The following GRID1 variants were observed in gnomAD, a reference collection of about 807,000 sequenced individuals.
GRID1 encodes glutamate ionotropic receptor delta type subunit 1.
A neutral mutation model predicts 98.0 loss-of-function variants in GRID1; 28 were observed. That is an observed-to-expected ratio of 0.29 (90% CI 0.21 to 0.39). The LOEUF (loss-of-function observed/expected upper bound fraction) is 0.39, where lower values mean the gene tolerates loss of function less well. GRID1 is among the 10% of genes least tolerant of loss of function. The pLI, the probability that GRID1 is intolerant of heterozygous loss-of-function variation, is 1.00. For missense variants in GRID1, 1,111 were observed against 1,340.5 expected (o/e 0.83, Z 2.67); for synonymous variants, 553 against 538.5 (o/e 1.03, Z -0.37).
Position 85,613,242 on chromosome 10 carries a change from A to C in GRID1, c.2601+165T>G, listed in dbSNP as rs1842752729. On this transcript the variant is annotated intron_variant, in intron 15 of 15. Coordinates refer to ENST00000327946, the MANE Select transcript of GRID1 (RefSeq NM_017551.3). ...CCCTACATTTCTTCTCTAGTTTTAAAAACAAAATAAAACAATAACAAAATC... is the reference window on the plus strand; with the variant it reads ...CCCTACATTTCTTCTCTAGTTTTAACAACAAAATAAAACAATAACAAAATC... 1.4e-5 allele frequency: 10 copies of C among 723,612 alleles called. No homozygotes were observed. The South Asian group carries it at 2.0e-4, about 14-fold the overall frequency. 44.8% of individuals were successfully genotyped at this position (723,612 alleles called of 1,614,324 possible). A position where few individuals can be genotyped will look rare whatever the true frequency, so the allele number is the denominator to read the frequency against.
intron 8 of GRID1, among the ~76,000 whole-genome samples, chr10:85,734,204 T>A (rs1182977482): frequency 2.0e-5 from 3 of 152,080 alleles, no homozygotes; most frequent in African/African-American, 7.2e-5. Context: ...CATCTCATAT[T>A]CTAGGATCTC....
At chr10:86,149,597 T>G (rs1845134715) in intron 3 of GRID1, among the ~76,000 whole-genome samples, 1 of 152,246 alleles carries the variant, frequency 6.6e-6, no homozygotes, top group South Asian at 2.1e-4. Context: ...GGCTGGAAGA[T>G]CGAGATTAAA....
At chr10:86,075,114 C>T (rs1175761406) in intron 4 of GRID1, among the ~76,000 whole-genome samples, 5 of 146,398 alleles carry the variant, frequency 3.4e-5, no homozygotes, top group Non-Finnish European at 7.5e-5. Flanking sequence ...ATGGTCCCCG[C>T]GGAAGGCTCC....
intron 8 of GRID1, among the ~76,000 whole-genome samples, chr10:85,776,570 G>A (rs181320548): frequency 0.023 from 3,443 of 152,280 alleles, 62 homozygotes; most frequent in Non-Finnish European, 0.035. Flanking sequence ...GCCAGCAGCC[G>A]AGGGGAGGCA....
chr10:86,168,607 C>T (rs1845435207), intron 3 of GRID1, among the ~76,000 whole-genome samples: 1 of 152,230 alleles, frequency 6.6e-6, no homozygotes, highest in African/African-American at 2.4e-5. Flanking sequence ...CCCTGAGGAG[C>T]TGCCCTTCTT....
At chr10:85,974,374 G>A (rs574129862) in intron 4 of GRID1, among the ~76,000 whole-genome samples, 2 of 152,176 alleles carry the variant, frequency 1.3e-5, no homozygotes, top group African/African-American at 2.4e-5. Flanking sequence ...GACTAAATGG[G>A]ATAATGTCTG....
intron 4 of GRID1, among the ~76,000 whole-genome samples, chr10:86,065,798 T>C (rs1843712000): frequency 6.6e-6 from 1 of 152,148 alleles, no homozygotes; most frequent in Non-Finnish European, 1.5e-5. Flanking sequence ...CAAGGAGAAG[T>C]GATATTTCAG....
chr10:86,006,991 G>A (rs543844110), intron 4 of GRID1, among the ~76,000 whole-genome samples: 4 of 152,134 alleles, frequency 2.6e-5, no homozygotes, highest in African/African-American at 7.2e-5. Flanking sequence ...AGCAATCCCC[G>A]TCGTCCTTGG....
intron 4 of GRID1, among the ~76,000 whole-genome samples, chr10:85,988,884 TG>T (rs1341495994): frequency 2.0e-5 from 3 of 152,224 alleles, no homozygotes; most frequent in African/African-American, 7.2e-5. Flanking sequence ...AAGTCTGTTG[TG>T]GTCACAGAGT....
intron 2 of GRID1, among the ~76,000 whole-genome samples, chr10:86,290,763 T>G (rs893722401): frequency 6.6e-6 from 1 of 152,166 alleles, no homozygotes; most frequent in African/African-American, 2.4e-5. Context: ...GGAAGTAGTA[T>G]GAACAATAAG....
intron 8 of GRID1, among the ~76,000 whole-genome samples, chr10:85,748,486 G>A (rs753464252): frequency 5.3e-5 from 8 of 152,074 alleles, no homozygotes; most frequent in Non-Finnish European, 8.8e-5. Context: ...AATTGATATC[G>A]TATTAGCAAT....
At chr10:86,130,773 G>T (rs899794194) in intron 4 of GRID1, among the ~76,000 whole-genome samples, 1 of 152,180 alleles carries the variant, frequency 6.6e-6, no homozygotes, top group South Asian at 2.1e-4. Context: ...CCAAGAGGGC[G>T]CTGAGCTGGT....
chr10:86,300,932 G>C (rs1397779859), intron 2 of GRID1, among the ~76,000 whole-genome samples: 1 of 152,218 alleles, frequency 6.6e-6, no homozygotes, highest in African/African-American at 2.4e-5. Context: ...GAAGGGCAGA[G>C]AGTGGGAGCT....
chr10:86,145,407 G>A (rs1845073693), intron 3 of GRID1, among the ~76,000 whole-genome samples: 1 of 152,096 alleles, frequency 6.6e-6, no homozygotes, highest in Non-Finnish European at 1.5e-5. Context: ...ATTTTTTGTA[G>A]AGAAGGGGTT....
At chr10:86,107,919 A>G (rs938009129) in intron 4 of GRID1, among the ~76,000 whole-genome samples, 1 of 152,186 alleles carries the variant, frequency 6.6e-6, no homozygotes, top group Non-Finnish European at 1.5e-5. Flanking sequence ...CTCCCACTCA[A>G]TAAAACCTTG....
chr10:86,077,548 C>T (rs1029372743), intron 4 of GRID1, among the ~76,000 whole-genome samples: 5 of 152,358 alleles, frequency 3.3e-5, no homozygotes, highest in South Asian at 2.1e-4. Context: ...TCCCTGCAGA[C>T]GCAATCATGC....
At chr10:85,934,229 G>T (rs1337189934) in intron 4 of GRID1, among the ~76,000 whole-genome samples, 1 of 152,152 alleles carries the variant, frequency 6.6e-6, no homozygotes, top group Non-Finnish European at 1.5e-5. Flanking sequence ...GGCTGAAAGA[G>T]TGAGAGGTTT....
rs1589444309 is a variant in GRID1, at chr10:86,307,644, T to C, written c.235+56297A>G. Among the ~76,000 whole-genome samples, 5 of 152,326 alleles carry C rather than the reference T, an allele frequency of 3.3e-5. No individual in the cohort carries two copies. The East Asian group carries it at 9.6e-4, about 29-fold the overall frequency. On this transcript the variant is annotated intron_variant, in intron 2 of 15. Coordinates refer to ENST00000327946, the MANE Select transcript of GRID1 (RefSeq NM_017551.3). Reference sequence around the variant, plus strand: ...ACGAAGATTATAGTTAATAATAATGTACTGTATACTTCAAATTTACTAAGA... The same window carrying C: ...ACGAAGATTATAGTTAATAATAATGCACTGTATACTTCAAATTTACTAAGA...
chr10:86,203,452 C>A (rs1215528032), intron 3 of GRID1, among the ~76,000 whole-genome samples: 1 of 151,702 alleles, frequency 6.6e-6, no homozygotes, highest in African/African-American at 2.4e-5. Flanking sequence ...TGCCTTGGCT[C>A]ACTTGACACA....
Sources: gnomAD v4.1 joint callset for allele counts (sites outside exome capture counted in the v4.1 genomes callset) on GRCh38, gnomAD v4.1.1 for gene constraint, MANE v1.5 for transcripts, NCBI Gene and HGNC (gene_info 2026-07-23, HGNC 2026-07-21) for gene names.